The following SNTG1 variants were observed in gnomAD, a reference collection of about 807,000 sequenced individuals.
The protein encoded by SNTG1 is gamma-1-syntrophin.
In SNTG1, 39 loss-of-function variants were observed where a neutral mutation model predicts 74.7. The observed-to-expected ratio is 0.52, with a 90% CI of 0.40 to 0.68. The LOEUF is 0.68. SNTG1 is among the 30% of genes least tolerant of loss of function. The pLI, the probability that SNTG1 is intolerant of heterozygous loss-of-function variation, is 0.00. For missense variants in SNTG1, 685 were observed against 609.5 expected (o/e 1.12, Z -1.30); for synonymous variants, 254 against 217.1 (o/e 1.17, Z -1.49).
At chr8:50,372,034 T>C (rs1587360871) in intron 2 of SNTG1, among the ~76,000 whole-genome samples, 1 of 152,192 alleles carries the variant, frequency 6.6e-6, no homozygotes, top group East Asian at 1.9e-4. Context: ...TAATTACTAA[T>C]AGGAAAGAAC....
intron 1 of SNTG1, among the ~76,000 whole-genome samples, chr8:50,027,073 A>C (rs1227699527): frequency 1.3e-5 from 2 of 152,110 alleles, no homozygotes; most frequent in Admixed American, 6.6e-5. Context: ...TACATCCTAC[A>C]CACCATTAGG....
intron 9 of SNTG1, among the ~76,000 whole-genome samples, chr8:50,510,907 C>G (rs2094066152): frequency 1.3e-5 from 2 of 152,102 alleles, no homozygotes; most frequent in South Asian, 4.1e-4. Flanking sequence ...TTTTGTGTCT[C>G]TATTTCCTTC....
intron 13 of SNTG1, among the ~76,000 whole-genome samples, chr8:50,621,878 CT>C (rs1322273792): frequency 6.6e-6 from 1 of 152,146 alleles, no homozygotes; most frequent in Non-Finnish European, 1.5e-5. Context: ...TAATTAATGA[CT>C]TGCACTAAAT....
At chr8:50,579,739 G>T (rs529290779) in intron 12 of SNTG1, among the ~76,000 whole-genome samples, 3 of 152,224 alleles carry the variant, frequency 2.0e-5, no homozygotes, top group Non-Finnish European at 4.4e-5. Context: ...TGTGGTGTTT[G>T]CCCTTTGAGT....
Position 50,752,053 on chromosome 8 carries a change from G to A in SNTG1, c.1337G>A (p.Gly446Asp). ...CAGCTTAAAGGTTCTTCAGATGATG[G>A]CAAGAGCAAAATCAAATTTTTGTTT... Reference protein sequence around the residue: ...FSQLKGSSDDGKSKIKFLFQN... With the variant: ...FSQLKGSSDDDKSKIKFLFQN... Residue 446 changes from glycine (G) to aspartate (D), a missense_variant, in exon 18 of 19, where the codon GGC (glycine) becomes GAC (aspartate). Transcript: ENST00000642720. 3 of 1,566,934 alleles carry A rather than the reference G, an allele frequency of 1.9e-6. No individual in the cohort carries two copies. Among genetic ancestry groups the A allele is most frequent in the Non-Finnish European group, 2.6e-6 (3 of 1,160,508 alleles).
intron 1 of SNTG1, among the ~76,000 whole-genome samples, chr8:50,159,761 A>C (rs1281880867): frequency 6.6e-6 from 1 of 152,082 alleles, no homozygotes. Flanking sequence ...GTTTCTATGG[A>C]GTGTTCACAG....
intron 12 of SNTG1, among the ~76,000 whole-genome samples, chr8:50,578,842 A>T (rs947037122): frequency 1.4e-4 from 21 of 152,114 alleles, no homozygotes; most frequent in African/African-American, 4.8e-4. Flanking sequence ...TTTATAAATT[A>T]CCCAGACTTG....
intron 18 of SNTG1, among the ~76,000 whole-genome samples, chr8:50,783,075 G>A (rs1448815066): frequency 1.3e-5 from 2 of 152,156 alleles, no homozygotes; most frequent in African/African-American, 4.8e-5. Context: ...TTTTGTCTCA[G>A]AGGAGTACCC....
chr8:50,168,723 A>G (rs2082708637), intron 1 of SNTG1, among the ~76,000 whole-genome samples: 1 of 152,206 alleles, frequency 6.6e-6, no homozygotes, highest in African/African-American at 2.4e-5. Context: ...AGATAATACG[A>G]GTTGGAGTTA....
At chr8:50,205,190 T>C (rs1269245204) in intron 2 of SNTG1, among the ~76,000 whole-genome samples, 1 of 152,208 alleles carries the variant, frequency 6.6e-6, no homozygotes, top group South Asian at 2.1e-4. Flanking sequence ...CCAACAGCAG[T>C]GTAAAACTGT....
intron 11 of SNTG1, among the ~76,000 whole-genome samples, chr8:50,552,416 C>A (rs1219508325): frequency 2.0e-5 from 3 of 152,140 alleles, no homozygotes; most frequent in Non-Finnish European, 4.4e-5. Flanking sequence ...CTGATCATAG[C>A]ATTTTAAGAA....
At chr8:50,574,421 A>C (rs2094565646) in intron 12 of SNTG1, among the ~76,000 whole-genome samples, 1 of 152,108 alleles carries the variant, frequency 6.6e-6, no homozygotes, top group African/African-American at 2.4e-5. Context: ...TGCCTTAATT[A>C]TATTTTTACT....
chr8:50,120,805 T>C (rs544904243), intron 1 of SNTG1, among the ~76,000 whole-genome samples: 1 of 142,738 alleles, frequency 7.0e-6, no homozygotes, highest in East Asian at 2.0e-4. Flanking sequence ...TCAAAAATTA[T>C]GTACCAAGTT....
intron 1 of SNTG1, among the ~76,000 whole-genome samples, chr8:50,145,290 T>C (rs951617103): frequency 2.6e-5 from 4 of 152,114 alleles, no homozygotes; most frequent in African/African-American, 9.7e-5. Flanking sequence ...AACAGATAAA[T>C]ATGAAAAATC....
intron 8 of SNTG1, among the ~76,000 whole-genome samples, chr8:50,483,053 A>T (rs889018158): frequency 7.9e-5 from 12 of 152,220 alleles, no homozygotes; most frequent in African/African-American, 2.9e-4. Context: ...TAAAATAGAA[A>T]GGTGACAATA....
intron 1 of SNTG1, among the ~76,000 whole-genome samples, chr8:49,930,666 C>T (rs35976581): frequency 1.3e-5 from 2 of 152,036 alleles, no homozygotes; most frequent in African/African-American, 4.8e-5. Flanking sequence ...AAAACCACTT[C>T]CTTTCCATAT....
intron 2 of SNTG1, among the ~76,000 whole-genome samples, chr8:50,347,117 A>C (rs2130973493): frequency 6.6e-6 from 1 of 152,348 alleles, no homozygotes; most frequent in African/African-American, 2.4e-5. Flanking sequence ...GGACTTTCTC[A>C]AATAGAGAGG....
At chr8:50,390,481 A>G (rs1313192455) in intron 2 of SNTG1, among the ~76,000 whole-genome samples, 2 of 152,134 alleles carry the variant, frequency 1.3e-5, no homozygotes, top group East Asian at 1.9e-4. Flanking sequence ...ACTTTGTAGT[A>G]TAGTTTGAAG....
rs1302096797 is a variant in SNTG1 at position 50,339,895 on chromosome 8, TAAAC to T, written c.-27-54314_-27-54311del. On this transcript the variant is annotated intron_variant, in intron 2 of 18. Transcript: ENST00000642720. The stretch of plus-strand genomic sequence containing the variant: ...GACAGACTTTCTGTGTAGATAAAAA[TAAAC>T]AAGAGTAAACTATGTATTGTGTACA... Among the ~76,000 whole-genome samples, 16 of 151,932 alleles carry T rather than the reference TAAAC, an allele frequency of 1.1e-4. No individual in the cohort carries two copies. The South Asian group carries it at 3.1e-3, about 30-fold the overall frequency.
Sources: allele counts gnomAD v4.1 joint callset (sites outside exome capture counted in the v4.1 genomes callset), GRCh38; gene constraint gnomAD v4.1.1; transcripts MANE v1.5; gene names NCBI Gene and HGNC (gene_info 2026-07-23, HGNC 2026-07-21).